KIAA0586: variants seen among roughly 807,000 people sequenced by gnomAD.
The protein encoded by KIAA0586 is KIAA0586.
KIAA0586 carries 144 observed loss-of-function variants against 169.8 expected under a neutral mutation model. The observed-to-expected ratio is 0.85, with a 90% CI of 0.74 to 0.97. The LOEUF is 0.97. Among genes scored for constraint, KIAA0586 ranks in the 50% least tolerant of loss-of-function variants. The pLI is 0.00. For missense variants in KIAA0586, 1,854 were observed against 1,823.0 expected (o/e 1.02, Z -0.31); for synonymous variants, 625 against 612.4 (o/e 1.02, Z -0.30).
At chr14:58,427,407 T>TAG (rs370158049), upstream of KIAA0586, 132 of 569,010 alleles carry the variant, frequency 2.3e-4, 1 homozygote, top group African/African-American at 2.4e-3. Context: ...CCCACGTCCC[T>TAG]AACGGTCTTC....
rs544578407 is a variant in KIAA0586, at chr14:58,547,682, G to A, written c.4496-99G>A. On this transcript the variant is annotated intron_variant, in intron 30 of 30. Transcript: ENST00000652326. The stretch of plus-strand genomic sequence containing the variant: ...TGTAGGCAATCCTTATTTGGAATCC[G>A]CGCCCCCCCACCCCAACCTCATATT... The A allele has an allele frequency of 6.7e-5, 65 of 964,700 alleles. No homozygotes were observed. In the African/African-American group the frequency reaches 7.8e-4, roughly 12 times the overall value. The allele number at this position is 964,700 out of a possible 1,614,324, so 59.8% of individuals were successfully genotyped here. A position where few individuals can be genotyped will look rare whatever the true frequency, so the allele number is the denominator to read the frequency against.
chr14:58,540,548 C>G (rs1319073679), intron 30 of KIAA0586, among the ~76,000 whole-genome samples: 1 of 152,084 alleles, frequency 6.6e-6, no homozygotes, highest in Non-Finnish European at 1.5e-5. Context: ...TTAACGATTG[C>G]TTTTTAGAGG....
At chr14:58,456,865 G>C (rs1212066157) in intron 10 of KIAA0586, 55 bp downstream of exon 10, 2 of 930,414 alleles carry the variant, frequency 2.1e-6, no homozygotes, top group East Asian at 5.3e-5. Context: ...AATTAAAAAG[G>C]AATAAAAGAG....
At chr14:58,557,117 G>T in the KIAA0586 span, among the ~76,000 whole-genome samples, 1 of 152,286 alleles carries the variant, frequency 6.6e-6, no homozygotes, top group East Asian at 1.9e-4. Context: ...TAATTCTACT[G>T]TTGATGGACA....
intron 21 of KIAA0586, among the ~76,000 whole-genome samples, chr14:58,483,176 G>C (rs562913279): frequency 6.9e-6 from 1 of 143,996 alleles, no homozygotes; most frequent in East Asian, 2.1e-4. Flanking sequence ...ATATATATAT[G>C]GATTTCTTAT....
At chr14:58,494,768 G>A (rs2043054639) in intron 26 of KIAA0586, among the ~76,000 whole-genome samples, 1 of 152,126 alleles carries the variant, frequency 6.6e-6, no homozygotes, top group Admixed American at 6.5e-5. Flanking sequence ...AAGGAATGAT[G>A]CCCACGGATG....
At chr14:58,445,874 A>G (rs1396354933) in intron 6 of KIAA0586, among the ~76,000 whole-genome samples, 1 of 110,330 alleles carries the variant, frequency 9.1e-6, no homozygotes, top group Non-Finnish European at 1.9e-5. Flanking sequence ...TATGAAATTT[A>G]TTTATTTTTT....
chr14:58,480,992 T>C (rs1368006139), intron 20 of KIAA0586, among the ~76,000 whole-genome samples: 1 of 152,242 alleles, frequency 6.6e-6, no homozygotes, highest in Admixed American at 6.5e-5. Flanking sequence ...ATTTGGGACC[T>C]TATAAAAACG....
Position 58,540,064 on chromosome 14 carries a change from T to C in KIAA0586, c.4430-7T>C. The stretch of plus-strand genomic sequence containing the variant: ...ATTTTCTTCTGAAAAAATAAATTTT[T>C]ATGTAGTTTCACCAGGTGATATGGA... On this transcript the variant is annotated splice_polypyrimidine_tract_variant and splice_region_variant and intron_variant, in intron 29 of 30. Coordinates refer to ENST00000652326, the MANE Select transcript of KIAA0586 (RefSeq NM_001329943.3). 6.6e-7 allele frequency: 1 copy of C among 1,516,940 alleles called. No homozygotes were observed. Among genetic ancestry groups the C allele is most frequent in the East Asian group, 2.4e-5 (1 of 41,778 alleles). 94.0% of individuals were successfully genotyped at this position (1,516,940 alleles called of 1,614,324 possible).
At chr14:58,499,527 C>T (rs543603146) in intron 27 of KIAA0586, among the ~76,000 whole-genome samples, 2 of 151,994 alleles carry the variant, frequency 1.3e-5, no homozygotes, top group East Asian at 3.9e-4. Context: ...GCTGGAATTA[C>T]AGGTGTGAGC....
chr14:58,458,413 C>G, intron 11 of KIAA0586, 60 bp from the exon 12 acceptor site: 1 of 885,396 alleles, frequency 1.1e-6, no homozygotes, highest in Non-Finnish European at 1.8e-6. Context: ...TAGATCTGAT[C>G]CAAGTCCTGC....
At chr14:58,430,994 G>A (rs540106739) in intron 3 of KIAA0586, among the ~76,000 whole-genome samples, 2 of 152,254 alleles carry the variant, frequency 1.3e-5, no homozygotes, top group Admixed American at 1.3e-4. Context: ...TATAGTATTT[G>A]ACCTTTTGTG....
rs966912655 is a variant in KIAA0586, at chr14:58,492,199, A to T, written c.3914A>T (p.His1305Leu). 18 of 1,550,434 alleles carry T rather than the reference A, an allele frequency of 1.2e-5. No homozygotes were observed. Among genetic ancestry groups the T allele is most frequent in the Non-Finnish European group, 1.5e-5 (17 of 1,146,264 alleles). ...ATTAGGATGTCCCATAAAAAATTTCATGCAGATGCAATTCTTTCTTTTGCT... is the reference window on the plus strand; with the variant it reads ...ATTAGGATGTCCCATAAAAAATTTCTTGCAGATGCAATTCTTTCTTTTGCT... ...QVIRMSHKKF[H>L]ADAILSFAKQ... is the part of the protein sequence containing the mutation. The change falls in exon 26 of 31, where the codon CAT becomes CTT. Residue 1305 changes from histidine to leucine, a missense_variant. Coordinates refer to ENST00000652326, the MANE Select transcript of KIAA0586 (RefSeq NM_001329943.3).
chr14:58,455,017 T>A (rs1197316213), intron 9 of KIAA0586, among the ~76,000 whole-genome samples: 1 of 152,178 alleles, frequency 6.6e-6, no homozygotes, highest in East Asian at 1.9e-4. Flanking sequence ...TCTTCATCCA[T>A]TTTTCTTTCC....
intron 29 of KIAA0586, chr14:58,521,613 G>T: frequency 9.6e-7 from 1 of 1,041,572 alleles, no homozygotes; most frequent in South Asian, 1.3e-5. Flanking sequence ...AGAGGACAGC[G>T]GGGATCTTCC....
At chr14:58,438,821 T>G (rs2038047993) in intron 4 of KIAA0586, among the ~76,000 whole-genome samples, 1 of 152,116 alleles carries the variant, frequency 6.6e-6, no homozygotes, top group Non-Finnish European at 1.5e-5. Flanking sequence ...TGAGGCAAAG[T>G]GTGGAGTCAC....
At chr14:58,533,660 G>A (rs774904835) in intron 29 of KIAA0586, among the ~76,000 whole-genome samples, 9 of 152,092 alleles carry the variant, frequency 5.9e-5, no homozygotes, top group African/African-American at 9.7e-5. Flanking sequence ...AGGGCCCCAC[G>A]CTATCAAAGC....
chr14:58,514,142 A>G (rs1404276444), intron 29 of KIAA0586, among the ~76,000 whole-genome samples: 1 of 152,144 alleles, frequency 6.6e-6, no homozygotes, highest in Non-Finnish European at 1.5e-5. Context: ...AAATTTCTTG[A>G]ATGAATATGA....
chr14:58,492,049 C>T (rs2141236294), intron 25 of KIAA0586, 95 bp from the exon 26 acceptor site: 1 of 1,008,856 alleles, frequency 9.9e-7, no homozygotes, highest in African/African-American at 1.6e-5. Context: ...ATATCATCAT[C>T]TCATGACTGA....
Sources: gnomAD v4.1 joint callset for allele counts (sites outside exome capture counted in the v4.1 genomes callset) on GRCh38, gnomAD v4.1.1 for gene constraint, MANE v1.5 for transcripts, NCBI Gene and HGNC (gene_info 2026-07-23, HGNC 2026-07-21) for gene names.